Variants in NUMB observed in about 807,000 individuals in gnomAD.
NUMB encodes NUMB endocytic adaptor protein.
Under a neutral mutation model 59.7 loss-of-function variants are expected in NUMB, and 29 were observed. That is an observed-to-expected ratio of 0.49 (90% confidence interval 0.36 to 0.66). The LOEUF is 0.66. NUMB is among the 30% of genes least tolerant of loss of function. The pLI, the probability that NUMB is intolerant of heterozygous loss-of-function variation, is 0.00. For synonymous variants in NUMB, 288 were observed against 288.2 expected (o/e 1.00, Z 0.01); for missense variants, 723 against 822.0 (o/e 0.88, Z 1.47).
chr14:73,352,852 T>C (rs1464036774), intron 4 of NUMB, among the ~76,000 whole-genome samples: 2 of 151,022 alleles, frequency 1.3e-5, no homozygotes, highest in Non-Finnish European at 1.5e-5. Flanking sequence ...TGTAATAGTA[T>C]ATTGTTAATG....
intron 2 of NUMB, among the ~76,000 whole-genome samples, chr14:73,394,689 T>G (rs1054284967): frequency 2.0e-5 from 3 of 152,208 alleles, no homozygotes; most frequent in Non-Finnish European, 4.4e-5. Flanking sequence ...CTGTTCCCTC[T>G]CTTCCTCCCT....
chr14:73,356,719 G>A (rs1209786309), intron 3 of NUMB, among the ~76,000 whole-genome samples: 1 of 152,026 alleles, frequency 6.6e-6, no homozygotes, highest in Non-Finnish European at 1.5e-5. Flanking sequence ...TTTTCAGACA[G>A]TCTCACTCTG....
intron 1 of NUMB, among the ~76,000 whole-genome samples, chr14:73,451,177 A>AAAAAAAAAAC (rs1566804076): frequency 6.8e-6 from 1 of 147,064 alleles, no homozygotes; most frequent in African/African-American, 2.5e-5. Context: ...AAAAAAAACA[A>AAAAAAAAAAC]AAAACAAATC....
intron 1 of NUMB, among the ~76,000 whole-genome samples, chr14:73,430,987 C>G (rs530003604): frequency 6.6e-6 from 1 of 151,940 alleles, no homozygotes; most frequent in Admixed American, 6.6e-5. Flanking sequence ...GAGACAGAAT[C>G]TCAGTCTGTC....
intron 3 of NUMB, among the ~76,000 whole-genome samples, chr14:73,356,480 T>G (rs1395249586): frequency 6.6e-6 from 1 of 151,982 alleles, no homozygotes; most frequent in African/African-American, 2.4e-5. Context: ...CCGCCTCTAC[T>G]AAAACTACAA....
intron 2 of NUMB, among the ~76,000 whole-genome samples, chr14:73,388,036 G>A (rs914194216): frequency 2.6e-5 from 4 of 151,620 alleles, no homozygotes; most frequent in Non-Finnish European, 1.5e-5. Context: ...GAGACCAGGA[G>A]GTCAAGGCTG....
At chr14:73,364,017 G>C (rs991202707) in intron 3 of NUMB, among the ~76,000 whole-genome samples, 5 of 152,140 alleles carry the variant, frequency 3.3e-5, no homozygotes, top group African/African-American at 9.7e-5. Flanking sequence ...TCATGACAGA[G>C]TTGGATTTCA....
chr14:73,367,344 TATATAGAGAGAGAG>T (rs1206077971), intron 2 of NUMB, among the ~76,000 whole-genome samples: 4 of 84,172 alleles, frequency 4.8e-5, no homozygotes, highest in East Asian at 6.4e-4. Context: ...TATATATATA[TATATAGAGAGAGAG>T]AGAGAGAGAG....
At chr14:73,362,221 C>T (rs926304741) in intron 3 of NUMB, among the ~76,000 whole-genome samples, 6 of 151,918 alleles carry the variant, frequency 3.9e-5, no homozygotes, top group Non-Finnish European at 8.8e-5. Context: ...CTTACCACTG[C>T]ACTCCAGCCT....
At chr14:73,329,515 G>A (rs1462559143) in intron 4 of NUMB, among the ~76,000 whole-genome samples, 1 of 152,028 alleles carries the variant, frequency 6.6e-6, no homozygotes, top group Non-Finnish European at 1.5e-5. Context: ...ATCTTCTCTT[G>A]CCCTTAAACA....
At chr14:73,435,350 T>C (rs1389287606) in intron 1 of NUMB, among the ~76,000 whole-genome samples, 1 of 146,928 alleles carries the variant, frequency 6.8e-6, no homozygotes, top group African/African-American at 2.5e-5. Flanking sequence ...CTCGACTCAC[T>C]ACAAGCTCCA....
At chr14:73,389,375 C>T (rs1895733553) in intron 2 of NUMB, among the ~76,000 whole-genome samples, 1 of 150,522 alleles carries the variant, frequency 6.6e-6, no homozygotes, top group Non-Finnish European at 1.5e-5. Flanking sequence ...CTCTGTCACC[C>T]AGGTTGGAGT....
intron 6 of NUMB, among the ~76,000 whole-genome samples, chr14:73,302,837 A>G (rs928895781): frequency 1.3e-5 from 2 of 152,212 alleles, no homozygotes; most frequent in African/African-American, 4.8e-5. Flanking sequence ...AAAACTGTCT[A>G]CTTGAAACCA....
chr14:73,313,317 T>C (rs1594894350), intron 6 of NUMB, among the ~76,000 whole-genome samples: 2 of 151,800 alleles, frequency 1.3e-5, no homozygotes, highest in South Asian at 4.1e-4. Flanking sequence ...GAAATACTTA[T>C]GTGTGAATAA....
At chr14:73,370,855 A>C (rs923686730) in intron 2 of NUMB, among the ~76,000 whole-genome samples, 1 of 152,254 alleles carries the variant, frequency 6.6e-6, no homozygotes, top group Non-Finnish European at 1.5e-5. Flanking sequence ...ACTAAGATAC[A>C]TGAAAAAATG....
Position 73,309,677 on chromosome 14 carries a change from A to G in NUMB, c.234+6713T>C, listed in dbSNP as rs530126949. Among the ~76,000 whole-genome samples the G allele has an allele frequency of 6.6e-5, 10 of 151,084 alleles. No homozygotes were observed. The East Asian group carries it at 1.9e-3, about 29-fold the overall frequency. Reference sequence around the variant, plus strand: ...ACCATGGCACATGTATAACTATGTAACAAACCTGCATGTTCTGCACATATA... The same window carrying G: ...ACCATGGCACATGTATAACTATGTAGCAAACCTGCATGTTCTGCACATATA... On this transcript the variant is annotated intron_variant, in intron 6 of 12. Transcript: ENST00000555238.
chr14:73,355,266 G>C (rs1893719735), intron 4 of NUMB, among the ~76,000 whole-genome samples: 1 of 152,152 alleles, frequency 6.6e-6, no homozygotes, highest in Admixed American at 6.5e-5. Flanking sequence ...TAAGAGAGCT[G>C]ACTTCCACTC....
intron 3 of NUMB, among the ~76,000 whole-genome samples, chr14:73,365,610 G>GA (rs34521521): frequency 0.31 from 47,335 of 151,544 alleles, 8,464 homozygotes; most frequent in East Asian, 0.69. Flanking sequence ...GTCTCCATAA[G>GA]AAAAAAATTA....
chr14:73,378,666 T>C (rs1378344879), intron 2 of NUMB, among the ~76,000 whole-genome samples: 1 of 152,206 alleles, frequency 6.6e-6, no homozygotes, highest in Non-Finnish European at 1.5e-5. Flanking sequence ...GGCTACATAC[T>C]GTATGACCCC....
Sources: gnomAD v4.1 joint callset for allele counts (sites outside exome capture counted in the v4.1 genomes callset) on GRCh38, gnomAD v4.1.1 for gene constraint, MANE v1.5 for transcripts, NCBI Gene and HGNC (gene_info 2026-07-23, HGNC 2026-07-21) for gene names.